The following PRSS57 variants were observed in gnomAD, a reference collection of about 807,000 sequenced individuals.
PRSS57 encodes serine protease 57.
Under a neutral mutation model 20.6 loss-of-function variants are expected in PRSS57, and 19 were observed. The ratio of observed to expected loss-of-function variants is 0.92; its 90% CI spans 0.64 to 1.35. The LOEUF is 1.35. Ranked by LOEUF, PRSS57 falls within the 40% of genes most tolerant of loss-of-function variation. The pLI is 0.00. For missense variants in PRSS57, 440 were observed against 403.7 expected (o/e 1.09, Z -0.77); for synonymous variants, 203 against 176.6 (o/e 1.15, Z -1.19).
Position 687,117 on chromosome 19 carries a change from G to T in PRSS57, c.450C>A (p.Pro150=), listed in dbSNP as rs763479023. Reference sequence around the variant, plus strand: ...CCACCCGGCACCGTGTCCCCGCTGTGGGGGGCCTGGCCCTTCTCCCTGGCG... The same window carrying T: ...CCACCCGGCACCGTGTCCCCGCTGTTGGGGGCCTGGCCCTTCTCCCTGGCG... ...LRPPGRRARP[P]TAGTRCRVAG... The change falls in exon 4 of 5, where the codon CCC becomes CCA. Residue 150 remains proline, a synonymous_variant. Coordinates refer to ENST00000329267, the MANE Select transcript of PRSS57 (RefSeq NM_001308209.2). 1.8e-5 allele frequency: 29 copies of T among 1,611,672 alleles called. No homozygotes were observed. Among genetic ancestry groups the T allele is most frequent in the East Asian group, 1.6e-4 (7 of 44,798 alleles).
rs199828118 is a variant in PRSS57 at position 685,721 on chromosome 19, C to T, written c.844G>A (p.Ala282Thr). ...PGTTRPPGEA[A>T] Reference sequence around the variant, plus strand: ...GCATGCCGCAAGGTTGTGGCTCAGGCGGCTTCTCCTGGGGGCCTGGTGGTC... The same window carrying T: ...GCATGCCGCAAGGTTGTGGCTCAGGTGGCTTCTCCTGGGGGCCTGGTGGTC... Residue 282 changes from alanine to threonine, a missense_variant, in exon 5 of 5, where the codon GCC becomes ACC. Transcript: ENST00000329267. 1.1e-4 allele frequency: 165 copies of T among 1,538,202 alleles called. No individual in the cohort carries two copies. Among genetic ancestry groups the T allele is most frequent in the East Asian group, 1.0e-3 (41 of 41,110 alleles).
chr19:688,618 A>ATTTTT (rs2031544055), intron 3 of PRSS57, among the ~76,000 whole-genome samples: 1 of 48,472 alleles, frequency 2.1e-5, no homozygotes, highest in African/African-American at 1.3e-4. Context: ...TTTTTTTTTC[A>ATTTTT]GATGGAGTCT....
chr19:688,344 C>CT (rs370305351), intron 3 of PRSS57, among the ~76,000 whole-genome samples: 49,133 of 141,880 alleles, frequency 0.35, 9,086 homozygotes, highest in African/African-American at 0.46. Flanking sequence ...GCTCCTCCTC[C>CT]TTTTTTTTTT....
intron 3 of PRSS57, chr19:690,345 G>A (rs1326336713): frequency 1.3e-5 from 2 of 154,218 alleles, no homozygotes; most frequent in African/African-American, 4.8e-5. Flanking sequence ...GCTTCTCCTG[G>A]AAAACACTAA....
intron 3 of PRSS57, chr19:690,918 C>T (rs1012921202): frequency 1.6e-5 from 7 of 441,492 alleles, no homozygotes; most frequent in East Asian, 5.9e-5. Context: ...GCGCTGGCAT[C>T]GTCTGGGCGC....
rs117511585 is a variant in PRSS57 at position 687,378 on chromosome 19, G to A, written c.379-190C>T. On this transcript the variant is annotated intron_variant, in intron 3 of 4. Transcript: ENST00000329267. Reference sequence around the variant, plus strand: ...TACCCCTCAGGCCTCCAGGGTCACCGTCAGCTGCCCAAAGGGTCTTTCTGT... The same window carrying A: ...TACCCCTCAGGCCTCCAGGGTCACCATCAGCTGCCCAAAGGGTCTTTCTGT... Among the ~76,000 whole-genome samples the A allele has an allele frequency of 5.9e-3, 906 of 152,282 alleles. 5 individuals are homozygous for A. The highest frequency in any genetic ancestry group is 0.014 in the Middle Eastern group (4 of 294).
chr19:690,001 C>A (rs189538389), intron 3 of PRSS57, among the ~76,000 whole-genome samples: 2 of 150,956 alleles, frequency 1.3e-5, no homozygotes, highest in Non-Finnish European at 2.9e-5. Context: ...TGCAGTGAGC[C>A]CTGACTGTGC....
At chr19:687,797 C>G (rs1296551713) in intron 3 of PRSS57, among the ~76,000 whole-genome samples, 2 of 152,074 alleles carry the variant, frequency 1.3e-5, no homozygotes, top group African/African-American at 4.8e-5. Context: ...TGCTCACCAG[C>G]CAGGGCCTCT....
At chr19:688,411 G>A (rs2031536843) in intron 3 of PRSS57, among the ~76,000 whole-genome samples, 1 of 150,936 alleles carries the variant, frequency 6.6e-6, no homozygotes, top group Admixed American at 6.6e-5. Flanking sequence ...CGCAATCTCG[G>A]CTCACGGCAA....
chr19:685,966 T>C (rs777422964), intron 4 of PRSS57, 44 bp from the exon 5 acceptor site: 3 of 1,482,312 alleles, frequency 2.0e-6, no homozygotes, highest in East Asian at 2.5e-5. Context: ...TGGGAGCTGC[T>C]GCAGGCACAT....
chr19:692,038 G>C lies in PRSS57; in HGVS notation c.234-36C>G, dbSNP rs532541316. Reference sequence around the variant, plus strand: ...GAGGTGGTGGGTGAGACGGGGGTGAGGGCTGCCCGTCCTGGGCCTCGGTCC... The same window carrying C: ...GAGGTGGTGGGTGAGACGGGGGTGACGGCTGCCCGTCCTGGGCCTCGGTCC... On this transcript the variant is annotated intron_variant, in intron 2 of 4. Coordinates refer to ENST00000329267, the MANE Select transcript of PRSS57 (RefSeq NM_001308209.2). 3.1e-6 allele frequency: 4 copies of C among 1,290,414 alleles called. No homozygotes were observed. In the African/African-American group the frequency reaches 6.1e-5, roughly 20 times the overall value. 79.9% of individuals were successfully genotyped at this position (1,290,414 alleles called of 1,614,324 possible).
intron 3 of PRSS57, among the ~76,000 whole-genome samples, chr19:689,408 C>T (rs1019638337): frequency 6.6e-6 from 1 of 152,042 alleles, no homozygotes; most frequent in Non-Finnish European, 1.5e-5. Context: ...GTCTGGGGAA[C>T]TGGTGCACTG....
At chr19:688,982 C>T (rs530392878) in intron 3 of PRSS57, among the ~76,000 whole-genome samples, 4 of 152,156 alleles carry the variant, frequency 2.6e-5, no homozygotes, top group Non-Finnish European at 4.4e-5. Flanking sequence ...AAACTTTGAG[C>T]GCCTGCTGTG....
intron 2 of PRSS57, 71 bp from the exon 3 acceptor site, chr19:692,073 T>C: frequency 8.1e-7 from 1 of 1,234,290 alleles, no homozygotes. Flanking sequence ...CACTCATCTA[T>C]GAAACGGAGG....
At chr19:695,264 G>A (rs2031758102) in intron 1 of PRSS57, 88 bp downstream of exon 1, 4 of 585,674 alleles carry the variant, frequency 6.8e-6, no homozygotes, top group Non-Finnish European at 1.0e-5. Context: ...CTCTCCCCAG[G>A]GTTCTCCCGG....
intron 2 of PRSS57, among the ~76,000 whole-genome samples, chr19:692,526 C>G (rs940275557): frequency 1.3e-5 from 2 of 149,438 alleles, no homozygotes; most frequent in Non-Finnish European, 3.0e-5. Flanking sequence ...CAGTGATTCT[C>G]CTGCCTCAGC....
chr19:690,605 G>C (rs2031618278), intron 3 of PRSS57: 1 of 250,258 alleles, frequency 4.0e-6, no homozygotes, highest in African/African-American at 2.3e-5. Context: ...TTTCCTGAGG[G>C]CCTCTCTCCA....
chr19:686,178 T>G (rs1264301492), intron 4 of PRSS57, among the ~76,000 whole-genome samples: 1 of 152,132 alleles, frequency 6.6e-6, no homozygotes, highest in African/African-American at 2.4e-5. Flanking sequence ...ATGCTGCCTG[T>G]GTGAACATTC....
intron 3 of PRSS57, among the ~76,000 whole-genome samples, chr19:688,851 G>A (rs543052764): frequency 8.5e-5 from 13 of 152,072 alleles, no homozygotes; most frequent in Middle Eastern, 3.4e-3. Flanking sequence ...TACCCGCCTC[G>A]GCCTCCCAAA....
Sources: allele counts gnomAD v4.1 joint callset (sites outside exome capture counted in the v4.1 genomes callset), GRCh38; gene constraint gnomAD v4.1.1; transcripts MANE v1.5; gene names NCBI Gene and HGNC (gene_info 2026-07-23, HGNC 2026-07-21).